ZNF493: variants seen among roughly 807,000 people sequenced by gnomAD.
The protein encoded by ZNF493 is zinc finger protein 493.
ZNF493 carries 11 observed loss-of-function variants against 12.2 expected under a neutral mutation model. The ratio of observed to expected loss-of-function variants is 0.90; its 90% CI spans 0.57 to 1.50. The LOEUF is 1.50. Among genes scored for constraint, ZNF493 ranks in the 40% most tolerant of loss-of-function variants. The probability of loss-of-function intolerance (pLI) is 0.00; values close to 1 mark genes in which losing one functional copy is unlikely to be tolerated. For synonymous variants in ZNF493, 286 were observed against 302.6 expected (o/e 0.95, Z 0.57); for missense variants, 950 against 906.6 (o/e 1.05, Z -0.61).
rs766934918 is a variant in ZNF493, at chr19:21,420,655, T to TTTTTTTTTTC, written c.254-2258_254-2257insTTTTTTTTTC. On this transcript the variant is annotated intron_variant, in intron 3 of 3. Coordinates refer to ENST00000392288, the MANE Select transcript of ZNF493 (RefSeq NM_001076678.3). ...TTTTTTTTTTTTTTTTTTTTTTTTT[T>TTTTTTTTTTC]CAGAACTTTGACTATATCACACAAT... Among the ~76,000 whole-genome samples the TTTTTTTTTTC allele has an allele frequency of 1.5e-4, 7 of 46,512 alleles. 1 individual carries two copies. Among genetic ancestry groups the TTTTTTTTTTC allele is most frequent in the Admixed American group, 3.0e-4 (1 of 3,322 alleles). The allele number at this position is 46,512 out of a possible 152,430, so 30.5% of individuals were successfully genotyped here.
At chr19:21,413,648 A>G (rs775824618) in intron 3 of ZNF493, 3 of 412,910 alleles carry the variant, frequency 7.3e-6, no homozygotes, top group South Asian at 2.1e-4. Flanking sequence ...ATAAAGTTTC[A>G]GGTATCTTGA....
chr19:21,421,657 C>T (rs8111549), intron 3 of ZNF493, among the ~76,000 whole-genome samples: 83,717 of 151,938 alleles, frequency 0.55, 23,337 homozygotes, highest in Middle Eastern at 0.67. Context: ...AGCTACTGCA[C>T]CTGGCCACAT....
chr19:21,424,404 TTAGTG>T lies in ZNF493; in HGVS notation c.1748_1752del (p.Ser583IlefsTer6). ...AAATGTAAAGAATGTGGCAAATCCT[TTAGTG>T]TATTCTCAACCCTTACTAAACACAA... On this transcript the variant is annotated frameshift_variant, in exon 4 of 4. Transcript: ENST00000392288. LOFTEE classifies it low-confidence loss of function (END_TRUNC). The T allele has an allele frequency of 6.2e-7, 1 of 1,613,144 alleles. No individual in the cohort carries two copies. Among genetic ancestry groups the T allele is most frequent in the Non-Finnish European group, 8.5e-7 (1 of 1,179,690 alleles).
intron 3 of ZNF493, chr19:21,408,496 A>G (rs2030211426): frequency 1.0e-6 from 1 of 983,744 alleles, no homozygotes; most frequent in South Asian, 4.7e-5. Context: ...TATACTGCAT[A>G]TTCTCTGAAA....
rs535448239 is a variant in ZNF493 at position 21,414,936 on chromosome 19, T to TA, written c.254-7974dup. On this transcript the variant is annotated intron_variant, in intron 3 of 3. Coordinates refer to ENST00000392288, the MANE Select transcript of ZNF493 (RefSeq NM_001076678.3). The stretch of plus-strand genomic sequence containing the variant: ...TATCGAGAATGCCCACAAAGTCATC[T>TA]AAATGGGTTTGCCAAGTAAGACTAT... Among the ~76,000 whole-genome samples, 33 of 152,326 alleles carry TA rather than the reference T, an allele frequency of 2.2e-4. 1 individual carries two copies. The East Asian group carries it at 6.2e-3, about 28-fold the overall frequency.
chr19:21,410,060 G>GTATATATGTATATATA (rs2030272948), intron 3 of ZNF493, among the ~76,000 whole-genome samples: 1 of 43,966 alleles, frequency 2.3e-5, no homozygotes, highest in African/African-American at 6.6e-5. Flanking sequence ...TTCATTGTGT[G>GTATATATGTATATATA]TATATATATA....
rs1366708953 is a variant in ZNF493, at chr19:21,424,425, C to A, written c.1766C>A (p.Thr589Asn). The change falls in exon 4 of 4, where the codon ACT becomes AAT. Residue 589 changes from threonine to asparagine, a missense_variant. Coordinates refer to ENST00000392288, the MANE Select transcript of ZNF493 (RefSeq NM_001076678.3). ...TCCTTTAGTGTATTCTCAACCCTTA[C>A]TAAACACAAGATAATTCATACTGAT... ...GKSFSVFSTL[T>N]KHKIIHTDKK... 3 of 1,611,886 alleles carry A rather than the reference C, an allele frequency of 1.9e-6. No homozygotes were observed. Among genetic ancestry groups the A allele is most frequent in the Non-Finnish European group, 2.5e-6 (3 of 1,179,566 alleles).
chr19:21,423,574 T>G lies in ZNF493; in HGVS notation c.915T>G (p.Ser305=). The G allele has an allele frequency of 6.2e-7, 1 of 1,613,462 alleles. No homozygotes were observed. The highest frequency in any genetic ancestry group is 8.5e-7 in the Non-Finnish European group (1 of 1,179,810). The stretch of plus-strand genomic sequence containing the variant: ...AATATGGCAAAACTTTTAACCAATC[T>G]TCAACCCTTACTGGACATAAGATAA... ...CEQYGKTFNQ[S]STLTGHKIIH... is the part of the protein sequence containing the mutation. Residue 305 remains serine (S), a synonymous_variant, in exon 4 of 4, where the codon TCT becomes TCG. Coordinates refer to ENST00000392288, the MANE Select transcript of ZNF493 (RefSeq NM_001076678.3).
intron 1 of ZNF493, among the ~76,000 whole-genome samples, chr19:21,400,906 A>G (rs1158658979): frequency 6.6e-6 from 1 of 152,216 alleles, no homozygotes; most frequent in African/African-American, 2.4e-5. Context: ...GCACACAGGA[A>G]TAGTTTGACT....
chr19:21,407,328 G>C (rs552170219), intron 3 of ZNF493: 1 of 151,486 alleles, frequency 6.6e-6, no homozygotes, highest in Non-Finnish European at 1.5e-5. Flanking sequence ...TCACTCTATC[G>C]CCCAGGCAGG....
intron 3 of ZNF493, chr19:21,413,711 C>T: frequency 2.6e-6 from 1 of 377,608 alleles, no homozygotes; most frequent in Non-Finnish European, 4.6e-6. Flanking sequence ...AGCATAATCT[C>T]TACCCCAAGT....
At chr19:21,405,416 C>A (rs2030089955) in intron 2 of ZNF493, 161 bp downstream of exon 2, 1 of 1,442,446 alleles carries the variant, frequency 6.9e-7, no homozygotes, top group African/African-American at 1.4e-5. Flanking sequence ...AAAATTTCTT[C>A]AGGATGTTTT....
At chr19:21,421,841 G>A (rs2030688089) in intron 3 of ZNF493, among the ~76,000 whole-genome samples, 1 of 152,046 alleles carries the variant, frequency 6.6e-6, no homozygotes, top group Non-Finnish European at 1.5e-5. Context: ...TTTAGTTAAA[G>A]GAAATTATTC....
chr19:21,416,206 C>CT (rs1381715299), intron 3 of ZNF493, among the ~76,000 whole-genome samples: 1 of 150,710 alleles, frequency 6.6e-6, no homozygotes, highest in African/African-American at 2.4e-5. Flanking sequence ...GGCGGGAACT[C>CT]TGTTTTTCCG....
At chr19:21,401,797 G>T (rs942229373) in intron 1 of ZNF493, among the ~76,000 whole-genome samples, 4 of 151,582 alleles carry the variant, frequency 2.6e-5, no homozygotes, top group African/African-American at 9.7e-5. Context: ...GCTAATTTTT[G>T]TATTTTTAGT....
At chr19:21,418,516 C>T (rs767357233) in intron 3 of ZNF493, among the ~76,000 whole-genome samples, 1 of 152,140 alleles carries the variant, frequency 6.6e-6, no homozygotes, top group Non-Finnish European at 1.5e-5. Flanking sequence ...TTCGAGCCCC[C>T]ATGATGGACG....
rs8105629 is a variant in ZNF493 at position 21,426,754 on chromosome 19, T to A, written c.*1770T>A. On this transcript the variant is annotated 3_prime_UTR_variant, in exon 4 of 4. Transcript: ENST00000392288. ...AAAGGTGTAGTAAAAATAAAAAAAA[T>A]TTTAATCCAAATTTGTCTATGTAAA... 35,976 of 166,840 alleles carry A rather than the reference T, an allele frequency of 0.22. 3,974 individuals are homozygous for A. Among genetic ancestry groups the A allele is most frequent in the Non-Finnish European group, 0.24 (16,297 of 67,998 alleles). 10.3% of individuals were successfully genotyped at this position (166,840 alleles called of 1,614,324 possible).
rs1292204324 is a variant in ZNF493, at chr19:21,425,177, G to C, written c.*193G>C. On this transcript the variant is annotated 3_prime_UTR_variant, in exon 4 of 4. Transcript: ENST00000392288. Reference sequence around the variant, plus strand: ...AATATAAGATAATTCATATTGGAGAGAAATTCTACAGATGTGAAGAATGTG... The same window carrying C: ...AATATAAGATAATTCATATTGGAGACAAATTCTACAGATGTGAAGAATGTG... 4 of 714,936 alleles carry C rather than the reference G, an allele frequency of 5.6e-6. No individual in the cohort carries two copies. In the Admixed American group the frequency reaches 1.0e-4, roughly 18 times the overall value. 44.3% of individuals were successfully genotyped at this position (714,936 alleles called of 1,614,324 possible).
chr19:21,424,476 G>C lies in ZNF493; in HGVS notation c.1817G>C (p.Cys606Ser), dbSNP rs769314906. The C allele has an allele frequency of 6.2e-6, 10 of 1,613,260 alleles. No individual in the cohort carries two copies. The Admixed American group carries it at 1.3e-4, about 22-fold the overall frequency. ...TDKKPYKCEE[C>S]GKAFNRSSIL... ...AAGAAACCCTACAAATGTGAAGAAT[G>C]TGGCAAAGCTTTTAACCGATCTTCA... Residue 606 changes from cysteine to serine, a missense_variant, in exon 4 of 4, where the codon TGT becomes TCT. Physicochemically the swap from Cys to Ser is moderately radical, Grantham distance 112. Transcript: ENST00000392288.
Sources: allele counts gnomAD v4.1 joint callset (sites outside exome capture counted in the v4.1 genomes callset), GRCh38; gene constraint gnomAD v4.1.1; transcripts MANE v1.5; gene names NCBI Gene and HGNC (gene_info 2026-07-23, HGNC 2026-07-21).